The following MRPS28 variants were observed in gnomAD, a reference collection of about 807,000 sequenced individuals.
MRPS28 encodes the protein small ribosomal subunit protein bS1m.
Under a neutral mutation model 10.8 loss-of-function variants are expected in MRPS28, and 7 were observed. That is an observed-to-expected ratio of 0.65 (90% CI 0.37 to 1.22). The LOEUF is 1.22. Ranked by LOEUF, MRPS28 falls within the 50% of genes most tolerant of loss-of-function variation. MRPS28 has a pLI of 0.02. For missense variants in MRPS28, 265 were observed against 232.9 expected (o/e 1.14, Z -0.90); for synonymous variants, 121 against 93.3 (o/e 1.30, Z -1.71).
intron 2 of MRPS28, among the ~76,000 whole-genome samples, chr8:79,945,110 A>C (rs1014822242): frequency 1.3e-5 from 2 of 152,210 alleles, no homozygotes; most frequent in African/African-American, 4.8e-5. Flanking sequence ...ATGACTTTAC[A>C]TGCAATACAT....
In MRPS28 at chr8:79,993,016, C is replaced by T. The variant is rs572488132; in HGVS notation, c.395+9983G>A. On this transcript the variant is annotated intron_variant, in intron 2 of 2. Transcript: ENST00000276585. ...CAAAATATGTGCTGAAATTCTGAGT[C>T]CCTATGAGTCTCTAGATGTTATCAA... Among the ~76,000 whole-genome samples the T allele has an allele frequency of 3.9e-4, 60 of 152,216 alleles. 1 individual carries two copies. Among genetic ancestry groups the T allele is most frequent in the Middle Eastern group, 6.8e-3 (2 of 294 alleles).
At chr8:80,021,794 T>C (rs1229231863) in intron 1 of MRPS28, among the ~76,000 whole-genome samples, 3 of 152,192 alleles carry the variant, frequency 2.0e-5, no homozygotes, top group Non-Finnish European at 4.4e-5. Context: ...TAACTTTCTA[T>C]TTAAAAATCA....
At chr8:79,985,587 AG>A (rs1242947647) in intron 2 of MRPS28, among the ~76,000 whole-genome samples, 1 of 152,156 alleles carries the variant, frequency 6.6e-6, no homozygotes, top group Non-Finnish European at 1.5e-5. Flanking sequence ...AAAATGATAA[AG>A]GGGATATCAC....
chr8:79,924,974 T>C (rs1039321754), intron 2 of MRPS28, among the ~76,000 whole-genome samples: 2 of 152,222 alleles, frequency 1.3e-5, no homozygotes, highest in African/African-American at 4.8e-5. Flanking sequence ...TGTTTTAGTA[T>C]TGCTATGTTT....
chr8:80,013,123 G>A, intron 1 of MRPS28, among the ~76,000 whole-genome samples: 1 of 151,744 alleles, frequency 6.6e-6, no homozygotes. Context: ...GACCAACTCA[G>A]CCAATAAACA....
intron 2 of MRPS28, among the ~76,000 whole-genome samples, chr8:79,920,743 C>G (rs1040946103): frequency 3.3e-5 from 5 of 152,096 alleles, no homozygotes; most frequent in African/African-American, 1.2e-4. Flanking sequence ...TAGGTTACCT[C>G]TTCACTCTGA....
intron 2 of MRPS28, among the ~76,000 whole-genome samples, chr8:79,981,492 A>G (rs1479030739): frequency 6.6e-6 from 1 of 152,346 alleles, no homozygotes; most frequent in Non-Finnish European, 1.5e-5. Flanking sequence ...AGATTTAAAG[A>G]GTTTGTGTTT....
rs184706294 is a variant in MRPS28, at chr8:79,936,937, T to C, written c.396-17789A>G. Among the ~76,000 whole-genome samples the C allele has an allele frequency of 3.9e-5, 6 of 152,348 alleles. No homozygotes were observed. The East Asian group carries it at 1.2e-3, about 29-fold the overall frequency. ...GTGCAGTGGTGCTATCCCAGTTAAC[T>C]GTAACCTCTGCCTCCTGGGTTCAAG... On this transcript the variant is annotated intron_variant, in intron 2 of 2. Transcript: ENST00000276585.
intron 2 of MRPS28, among the ~76,000 whole-genome samples, chr8:79,928,973 G>A (rs961127777): frequency 6.6e-6 from 1 of 152,132 alleles, no homozygotes; most frequent in Non-Finnish European, 1.5e-5. Flanking sequence ...TTGAACCCAG[G>A]AGGCGGAGAT....
chr8:79,926,373 C>G (rs779952131), intron 2 of MRPS28, among the ~76,000 whole-genome samples: 2 of 152,226 alleles, frequency 1.3e-5, no homozygotes, highest in Non-Finnish European at 2.9e-5. Context: ...TACAAGAAAT[C>G]TACCTTTTCT....
At chr8:79,967,923 C>T (rs1332044183) in intron 2 of MRPS28, among the ~76,000 whole-genome samples, 2 of 152,022 alleles carry the variant, frequency 1.3e-5, no homozygotes, top group Non-Finnish European at 2.9e-5. Flanking sequence ...CTGATACATA[C>T]TATTTACATT....
intron 2 of MRPS28, among the ~76,000 whole-genome samples, chr8:79,989,796 C>T (rs2130116532): frequency 6.6e-6 from 1 of 152,310 alleles, no homozygotes; most frequent in East Asian, 1.9e-4. Flanking sequence ...AATCCCAGGT[C>T]TACTGTTATT....
chr8:79,963,845 C>T (rs1356491504), intron 2 of MRPS28, among the ~76,000 whole-genome samples: 3 of 152,016 alleles, frequency 2.0e-5, no homozygotes, highest in Non-Finnish European at 2.9e-5. Flanking sequence ...CTGTGGCCAG[C>T]AGTTGTATCC....
chr8:80,029,993 T>A, intron 1 of MRPS28, 43 bp downstream of exon 1: 1 of 1,598,150 alleles, frequency 6.3e-7, no homozygotes. Context: ...ACCGCGTCGT[T>A]GGCGTAATTC....
In MRPS28 at chr8:80,030,084, C is replaced by T. The variant is rs373066045; in HGVS notation, c.165G>A (p.Ala55=). ...GTAGAAGCTCCGAGTGCCGCTCCAACGCGCTCGCGAAACCGCCTGCGCGCG... is the reference window on the plus strand; with the variant it reads ...GTAGAAGCTCCGAGTGCCGCTCCAATGCGCTCGCGAAACCGCCTGCGCGCG... The part of the protein sequence containing the change: ...PKTRAGGFAS[A]LERHSELLQK... The change falls in exon 1 of 3, where the codon GCG becomes GCA. Residue 55 remains alanine, a synonymous_variant. Transcript: ENST00000276585. 3 of 1,613,722 alleles carry T rather than the reference C, an allele frequency of 1.9e-6. No individual in the cohort carries two copies. The highest frequency in any genetic ancestry group is 2.7e-5 in the African/African-American group (2 of 74,938).
chr8:79,984,509 T>G (rs1013604210), intron 2 of MRPS28, among the ~76,000 whole-genome samples: 5 of 152,170 alleles, frequency 3.3e-5, no homozygotes, highest in Admixed American at 6.5e-5. Context: ...GACCCATCAG[T>G]GCGCTGTATT....
intron 2 of MRPS28, among the ~76,000 whole-genome samples, chr8:79,980,637 T>C (rs1028689030): frequency 7.2e-5 from 11 of 152,246 alleles, no homozygotes; most frequent in Non-Finnish European, 1.3e-4. Flanking sequence ...AAGAACAGTA[T>C]ATTCAACCAA....
At chr8:79,987,527 T>C (rs1350706382) in intron 2 of MRPS28, among the ~76,000 whole-genome samples, 2 of 152,072 alleles carry the variant, frequency 1.3e-5, no homozygotes, top group African/African-American at 4.8e-5. Context: ...AACCTACTCA[T>C]CTGACAAAGG....
At chr8:79,955,124 C>T (rs6987013) in intron 2 of MRPS28, among the ~76,000 whole-genome samples, 77,181 of 152,094 alleles carry the variant, frequency 0.51, 22,006 homozygotes, top group East Asian at 0.67. Context: ...TTAAGTTATT[C>T]TGAGGTCTTG....
Sources: gnomAD v4.1 joint callset for allele counts (sites outside exome capture counted in the v4.1 genomes callset) on GRCh38, gnomAD v4.1.1 for gene constraint, MANE v1.5 for transcripts, NCBI Gene and HGNC (gene_info 2026-07-23, HGNC 2026-07-21) for gene names.